Variants in BCAR3 observed in about 807,000 individuals in gnomAD.
BCAR3 encodes the protein BCAR3 adaptor protein, NSP family member.
BCAR3 carries 37 observed loss-of-function variants against 80.1 expected under a neutral mutation model. The ratio of observed to expected loss-of-function variants is 0.46; its 90% CI spans 0.36 to 0.61. The LOEUF is 0.61. BCAR3 is among the 20% of genes least tolerant of loss of function. The pLI is 0.00. For synonymous variants in BCAR3, 389 were observed against 418.9 expected (o/e 0.93, Z 0.87); for missense variants, 978 against 1,068.2 (o/e 0.92, Z 1.18).
chr1:93,847,912 G>A, upstream of BCAR3: 1 of 247,926 alleles, frequency 4.0e-6, no homozygotes, highest in South Asian at 4.1e-5. Context: ...GGCGGCGGCG[G>A]CGGCGGCGGC....
intron 2 of BCAR3, among the ~76,000 whole-genome samples, chr1:93,722,917 A>G (rs1466037300): frequency 2.6e-5 from 4 of 152,128 alleles, no homozygotes; most frequent in Admixed American, 6.5e-5. Flanking sequence ...CAGAAAGAGG[A>G]AAAAAGAATG....
At chr1:93,809,739 G>A (rs1024313708) in intron 2 of BCAR3, among the ~76,000 whole-genome samples, 1 of 142,980 alleles carries the variant, frequency 7.0e-6, no homozygotes, top group Non-Finnish European at 1.5e-5. Context: ...TTGCACTCCA[G>A]CCTGGGCGAC....
At chr1:93,832,989 G>GC (rs1295040108) in intron 2 of BCAR3, among the ~76,000 whole-genome samples, 2 of 152,036 alleles carry the variant, frequency 1.3e-5, no homozygotes, top group Non-Finnish European at 2.9e-5. Flanking sequence ...GATGGATGAT[G>GC]CCCCCCTTAC....
chr1:93,661,165 G>A lies in BCAR3; in HGVS notation c.317+13449C>T, dbSNP rs540547039. On this transcript the variant is annotated intron_variant, in intron 2 of 11. Transcript: ENST00000260502. ...AGTGATTCTCCTGCCTCAGCCTCCC[G>A]AGTAGGTGGGATTACAGGGATGCGC... Among the ~76,000 whole-genome samples, 8 of 151,696 alleles carry A rather than the reference G, an allele frequency of 5.3e-5. No homozygotes were observed. In the South Asian group the frequency reaches 8.4e-4, roughly 16 times the overall value.
At chr1:93,782,796 G>A (rs1299940755) in intron 2 of BCAR3, among the ~76,000 whole-genome samples, 2 of 152,190 alleles carry the variant, frequency 1.3e-5, no homozygotes, top group Admixed American at 6.5e-5. Context: ...CTGATGGATA[G>A]TATACGATTG....
intron 2 of BCAR3, among the ~76,000 whole-genome samples, chr1:93,821,093 T>C (rs1654203199): frequency 1.3e-5 from 2 of 152,158 alleles, no homozygotes; most frequent in African/African-American, 4.8e-5. Flanking sequence ...AGACCAAATG[T>C]ATTTTTCTTA....
chr1:93,663,190 C>T (rs993327692), intron 2 of BCAR3, among the ~76,000 whole-genome samples: 1 of 152,232 alleles, frequency 6.6e-6, no homozygotes, highest in Non-Finnish European at 1.5e-5. Flanking sequence ...TGGTTTCTCT[C>T]ACAAGCCCCT....
chr1:93,668,760 GGA>G lies in BCAR3; in HGVS notation c.317+5852_317+5853del, dbSNP rs941571427. On this transcript the variant is annotated intron_variant, in intron 2 of 11. Transcript: ENST00000260502. ...GAGTTCTACTCTCGTCATCCAGGCT[GGA>G]GAGTAGTGGTGTGATCTTGACTCAC... Among the ~76,000 whole-genome samples, 9 of 148,678 alleles carry G rather than the reference GGA, an allele frequency of 6.1e-5. No homozygotes were observed. The Admixed American group carries it at 6.1e-4, about 10-fold the overall frequency.
intron 3 of BCAR3, among the ~76,000 whole-genome samples, chr1:93,606,360 GT>G (rs1674772380): frequency 6.6e-6 from 1 of 152,212 alleles, no homozygotes; most frequent in Non-Finnish European, 1.5e-5. Flanking sequence ...GAGCAAGAAT[GT>G]TTACATCTCA....
intron 3 of BCAR3, among the ~76,000 whole-genome samples, chr1:93,627,119 T>C (rs1419672536): frequency 6.6e-6 from 1 of 152,244 alleles, no homozygotes; most frequent in Non-Finnish European, 1.5e-5. Flanking sequence ...TCCAATACTT[T>C]AATGATTTTT....
intron 3 of BCAR3, among the ~76,000 whole-genome samples, chr1:93,639,890 G>A (rs1036036411): frequency 1.3e-5 from 2 of 152,108 alleles, no homozygotes; most frequent in African/African-American, 4.8e-5. Flanking sequence ...GCCTGGATGA[G>A]ACTCAGGATA....
intron 2 of BCAR3, among the ~76,000 whole-genome samples, chr1:93,830,560 T>G (rs1224672368): frequency 6.6e-6 from 1 of 151,642 alleles, no homozygotes; most frequent in African/African-American, 2.4e-5. Context: ...CGCCCCTGCC[T>G]CCAAGAGAAA....
rs537471440 is a variant in BCAR3, at chr1:93,809,703, G to A, written c.-63+35864C>T. Among the ~76,000 whole-genome samples, 302 of 150,896 alleles carry A rather than the reference G, an allele frequency of 2.0e-3. 4 individuals are homozygous for A. The highest frequency in any genetic ancestry group is 1.1e-3 in the Non-Finnish European group (72 of 67,828). On this transcript the variant is annotated intron_variant, in intron 2 of 13. Transcript: ENST00000370244. Reference sequence around the variant, plus strand: ...GAATTGCTTGAACCTGGGAGGCAGAGGTTGCAGCAAGCCTAGATAGCGCCT... The same window carrying A: ...GAATTGCTTGAACCTGGGAGGCAGAAGTTGCAGCAAGCCTAGATAGCGCCT...
rs1571123996 is a variant in BCAR3, at chr1:93,782,703, C to T, written c.-63+62864G>A. 2.6e-5 allele frequency among the ~76,000 whole-genome samples: 4 copies of T among 152,252 alleles called. No homozygotes were observed. In the South Asian group the frequency reaches 8.3e-4, roughly 32 times the overall value. On this transcript the variant is annotated intron_variant, in intron 2 of 13. Coordinates refer to the BCAR3 transcript ENST00000370244. ...TCTTGCCAGCTGGAAAAGATAAAACCCCAAAATGCTGCCAGGCTTGGGAAG... is the reference window on the plus strand; with the variant it reads ...TCTTGCCAGCTGGAAAAGATAAAACTCCAAAATGCTGCCAGGCTTGGGAAG...
chr1:93,818,184 A>G (rs1035138760), intron 2 of BCAR3, among the ~76,000 whole-genome samples: 1 of 152,230 alleles, frequency 6.6e-6, no homozygotes, highest in Admixed American at 6.5e-5. Context: ...ACTTTGTGAC[A>G]GTTTTCTTAA....
At chr1:93,620,647 G>A (rs551065443) in intron 3 of BCAR3, among the ~76,000 whole-genome samples, 2 of 152,168 alleles carry the variant, frequency 1.3e-5, no homozygotes, top group South Asian at 2.1e-4. Flanking sequence ...CACTCCTCCA[G>A]CCCCACCTCC....
At chr1:93,660,894 T>A (rs192678471) in intron 2 of BCAR3, among the ~76,000 whole-genome samples, 173 of 151,482 alleles carry the variant, frequency 1.1e-3, no homozygotes, top group African/African-American at 3.9e-3. Context: ...TCTTTTTTTT[T>A]AGACGGAGTT....
At chr1:93,841,734 G>C (rs977007727) in intron 2 of BCAR3, among the ~76,000 whole-genome samples, 2 of 152,172 alleles carry the variant, frequency 1.3e-5, no homozygotes, top group Admixed American at 6.5e-5. Context: ...ATCCTTAGCT[G>C]TGTTTCTTGT....
At chr1:93,641,864 T>C (rs1675989506) in intron 3 of BCAR3, among the ~76,000 whole-genome samples, 1 of 152,170 alleles carries the variant, frequency 6.6e-6, no homozygotes, top group Non-Finnish European at 1.5e-5. Context: ...AAAACCTTAC[T>C]TGGCAGCAAA....
Sources: allele counts gnomAD v4.1 joint callset (sites outside exome capture counted in the v4.1 genomes callset), GRCh38; gene constraint gnomAD v4.1.1; transcripts MANE v1.5; gene names NCBI Gene and HGNC (gene_info 2026-07-23, HGNC 2026-07-21).